RERE: variants seen among roughly 807,000 people sequenced by gnomAD.
The protein encoded by RERE is arginine-glutamic acid dipeptide repeats protein.
In RERE, 40 loss-of-function variants were observed where a neutral mutation model predicts 146.1. The ratio of observed to expected loss-of-function variants is 0.27; its 90% CI spans 0.21 to 0.36. RERE has a LOEUF of 0.36. RERE is among the 10% of genes least tolerant of loss of function. RERE has a pLI of 1.00. For synonymous variants in RERE, 1,003 were observed against 866.0 expected (o/e 1.16, Z -2.78); for missense variants, 1,933 against 2,138.7 (o/e 0.90, Z 1.90).
intron 16 of RERE, among the ~76,000 whole-genome samples, chr1:8,362,395 G>A (rs1013950614): frequency 2.0e-4 from 30 of 152,268 alleles, no homozygotes; most frequent in African/African-American, 7.0e-4. Flanking sequence ...TACCAAGGGA[G>A]GACTGTACTT....
intron 2 of RERE, among the ~76,000 whole-genome samples, chr1:8,651,917 G>C (rs1647652174): frequency 6.6e-6 from 1 of 152,118 alleles, no homozygotes; most frequent in South Asian, 2.1e-4. Flanking sequence ...CTGGCCTCAA[G>C]TGATCCTCCC....
chr1:8,404,376 C>T (rs541758711), intron 12 of RERE, among the ~76,000 whole-genome samples: 1 of 152,118 alleles, frequency 6.6e-6, no homozygotes, highest in Admixed American at 6.5e-5. Context: ...CGAGATCGCA[C>T]CACTACACTC....
intron 4 of RERE, among the ~76,000 whole-genome samples, chr1:8,559,321 AAAAAACC>A (rs1646049844): frequency 6.7e-6 from 1 of 149,932 alleles, no homozygotes; most frequent in African/African-American, 2.4e-5. Flanking sequence ...AAAACAAAAC[AAAAAACC>A]AAAGTAAATA....
chr1:8,569,594 G>GATA (rs1381697715), intron 4 of RERE, among the ~76,000 whole-genome samples: 1 of 152,308 alleles, frequency 6.6e-6, no homozygotes, highest in African/African-American at 2.4e-5. Flanking sequence ...GAGCTACCAT[G>GATA]ATAATATTTC....
chr1:8,363,544 C>G (rs1344231248), intron 15 of RERE, among the ~76,000 whole-genome samples: 1 of 152,182 alleles, frequency 6.6e-6, no homozygotes, highest in Non-Finnish European at 1.5e-5. Flanking sequence ...TGTCAGTACC[C>G]TCAGCCCCAA....
chr1:8,358,113 C>G (rs1034904457), intron 20 of RERE, 83 bp downstream of exon 20: 1 of 1,515,150 alleles, frequency 6.6e-7, no homozygotes, highest in Non-Finnish European at 8.8e-7. Context: ...GAACAGTTTC[C>G]GCTCCTGGAT....
chr1:8,791,381 C>T (rs1270964102), intron 1 of RERE, among the ~76,000 whole-genome samples: 1 of 152,154 alleles, frequency 6.6e-6, no homozygotes, highest in African/African-American at 2.4e-5. Context: ...CCCCACTTTT[C>T]ATCATGACCT....
chr1:8,408,027 T>C (rs1032524315), intron 12 of RERE, among the ~76,000 whole-genome samples: 8 of 152,164 alleles, frequency 5.3e-5, no homozygotes, highest in African/African-American at 1.9e-4. Context: ...TTACCTTCTA[T>C]GAACGCTGGC....
At chr1:8,523,365 G>A (rs1645529839) in intron 7 of RERE, among the ~76,000 whole-genome samples, 1 of 152,158 alleles carries the variant, frequency 6.6e-6, no homozygotes, top group Non-Finnish European at 1.5e-5. Context: ...CAACTAATAA[G>A]ATATTAACTT....
At chr1:8,605,845 C>CATTTTTTTTTT (rs577477257) in intron 4 of RERE, among the ~76,000 whole-genome samples, 1 of 93,214 alleles carries the variant, frequency 1.1e-5, no homozygotes, top group Non-Finnish European at 1.9e-5. Context: ...AAATACCAAA[C>CATTTTTTTTTT]TTTTTTTTTT....
intron 7 of RERE, among the ~76,000 whole-genome samples, chr1:8,512,325 G>T (rs922191874): frequency 2.0e-5 from 3 of 151,964 alleles, no homozygotes; most frequent in African/African-American, 7.3e-5. Context: ...GAGCCACCGC[G>T]CCCGGCCAGG....
At chr1:8,546,870 A>C (rs1383753710) in intron 6 of RERE, among the ~76,000 whole-genome samples, 5 of 151,870 alleles carry the variant, frequency 3.3e-5, no homozygotes, top group Admixed American at 3.3e-4. Flanking sequence ...AAAAAACAAA[A>C]AAAATTAAGA....
At chr1:8,547,734 A>G (rs12086710) in intron 6 of RERE, among the ~76,000 whole-genome samples, 345 of 152,350 alleles carry the variant, frequency 2.3e-3, no homozygotes, top group African/African-American at 7.8e-3. Flanking sequence ...TTCTATTAGG[A>G]AAACAGGCTG....
rs1460507941 is a variant in RERE at position 8,752,028 on chromosome 1, T to C, written c.-145+65132A>G. Among the ~76,000 whole-genome samples, 3 of 151,670 alleles carry C rather than the reference T, an allele frequency of 2.0e-5. 1 individual carries two copies. The highest frequency in any genetic ancestry group is 4.2e-4 in the South Asian group (2 of 4,816). ...CAGCTCTTTATGTGGCAGGCACTAA[T>C]CTAGAATAACCCATTTAACCTTCAT... On this transcript the variant is annotated intron_variant, in intron 1 of 22. Transcript: ENST00000400908.
intron 1 of RERE, among the ~76,000 whole-genome samples, chr1:8,774,471 A>G (rs949860058): frequency 1.4e-5 from 2 of 147,094 alleles, no homozygotes; most frequent in African/African-American, 5.1e-5. Flanking sequence ...CTCCTGCCTC[A>G]GCCTCCCTAG....
intron 1 of RERE, among the ~76,000 whole-genome samples, chr1:8,664,493 C>T (rs1224385159): frequency 6.6e-6 from 1 of 152,200 alleles, no homozygotes; most frequent in African/African-American, 2.4e-5. Flanking sequence ...CATGTGAAAA[C>T]TGTTCACCTG....
intron 7 of RERE, among the ~76,000 whole-genome samples, chr1:8,517,475 C>A (rs1004327956): frequency 5.9e-5 from 9 of 151,986 alleles, no homozygotes; most frequent in Non-Finnish European, 8.8e-5. Flanking sequence ...TTACAAAAAC[C>A]GAATTAAGAA....
intron 12 of RERE, among the ~76,000 whole-genome samples, chr1:8,410,552 A>G (rs1643585562): frequency 6.6e-6 from 1 of 152,200 alleles, no homozygotes; most frequent in Admixed American, 6.5e-5. Context: ...TCAAAACCAC[A>G]ATGGCTTCAT....
At chr1:8,592,606 G>C (rs955381960) in intron 4 of RERE, among the ~76,000 whole-genome samples, 4 of 152,008 alleles carry the variant, frequency 2.6e-5, no homozygotes, top group Non-Finnish European at 5.9e-5. Context: ...TCTTTGGCTG[G>C]TGCAGTGGTT....
Sources: allele counts gnomAD v4.1 joint callset (sites outside exome capture counted in the v4.1 genomes callset), GRCh38; gene constraint gnomAD v4.1.1; transcripts MANE v1.5; gene names NCBI Gene and HGNC (gene_info 2026-07-23, HGNC 2026-07-21).